DHX34: variants seen among roughly 807,000 people sequenced by gnomAD.
The protein encoded by DHX34 is DExH-box helicase 34.
In DHX34, 96 loss-of-function variants were observed where a neutral mutation model predicts 111.1. That is an observed-to-expected ratio of 0.86 (90% CI 0.73 to 1.02). DHX34 has a LOEUF of 1.02. Ranked by LOEUF, DHX34 falls within the 50% of genes least tolerant of loss-of-function variation. DHX34 has a pLI of 0.00. For synonymous variants in DHX34, 688 were observed against 670.4 expected (o/e 1.03, Z -0.41); for missense variants, 1,560 against 1,579.9 (o/e 0.99, Z 0.21).
Position 47,376,492 on chromosome 19 carries a change from T to C in DHX34, c.2531T>C (p.Val844Ala). The C allele has an allele frequency of 1.2e-6, 2 of 1,608,338 alleles. No homozygotes were observed. Among genetic ancestry groups the C allele is most frequent in the East Asian group, 2.2e-5 (1 of 44,662 alleles). ...KQGAVLHPTC[V>A]FAGSPEVLHA... ...GGCGCCGTGCTGCACCCCACCTGCGTCTTCGCTGGCAGCCCCGAGGTGCTG... is the reference window on the plus strand; with the variant it reads ...GGCGCCGTGCTGCACCCCACCTGCGCCTTCGCTGGCAGCCCCGAGGTGCTG... Residue 844 changes from valine (V) to alanine (A), a missense_variant, in exon 12 of 17, where the codon GTC becomes GCC. Val to Ala is a moderately conservative substitution (Grantham distance 64). Transcript: ENST00000328771.
intron 2 of DHX34, among the ~76,000 whole-genome samples, chr19:47,354,441 G>A (rs964263705): frequency 2.6e-5 from 4 of 152,164 alleles, no homozygotes; most frequent in African/African-American, 9.7e-5. Flanking sequence ...TTGCTATATA[G>A]TTAATATTAT....
At chr19:47,381,091 T>C (rs1970341098) in intron 15 of DHX34, 95 bp from the exon 16 acceptor site, 1 of 1,562,714 alleles carries the variant, frequency 6.4e-7, no homozygotes, top group Non-Finnish European at 8.7e-7. Context: ...GTGGGGCCCG[T>C]GGCCCTGAGG....
chr19:47,375,026 C>T (rs1447462966), intron 9 of DHX34, among the ~76,000 whole-genome samples: 1 of 152,158 alleles, frequency 6.6e-6, no homozygotes, highest in African/African-American at 2.4e-5. Context: ...ATGGCCAACC[C>T]CGCCGAGCCC....
At chr19:47,380,612 C>G in intron 14 of DHX34, 1 of 982,126 alleles carries the variant, frequency 1.0e-6, no homozygotes, top group Non-Finnish European at 1.2e-6. Flanking sequence ...CTGGGGAGGG[C>G]AATTTAGATG....
rs1970336769 is a variant in DHX34 at position 47,380,965 on chromosome 19, T to A, written c.3132T>A (p.Thr1044=). ...PHPTKGGYAV[T]DFLTYNCLTN... ...CCACAAAGGGGGGCTACGCAGTCAC[T>A]GACTTCCTCACCTACAACTGCCTCA... Residue 1044 remains threonine, a synonymous_variant, in exon 15 of 17, where the codon ACT becomes ACA. Transcript: ENST00000328771. 1.0e-5 allele frequency: 16 copies of A among 1,592,814 alleles called. No individual in the cohort carries two copies. Among genetic ancestry groups the A allele is most frequent in the Non-Finnish European group, 1.4e-5 (16 of 1,170,686 alleles).
intron 7 of DHX34, among the ~76,000 whole-genome samples, chr19:47,368,204 A>G (rs1410751144): frequency 7.3e-5 from 11 of 150,268 alleles, no homozygotes; most frequent in Non-Finnish European, 1.2e-4. Flanking sequence ...GCCTGCTGCT[A>G]CAGGAACAGT....
intron 6 of DHX34, among the ~76,000 whole-genome samples, chr19:47,362,983 C>T (rs1969681273): frequency 6.6e-6 from 1 of 152,014 alleles, no homozygotes; most frequent in Non-Finnish European, 1.5e-5. Context: ...CGGAGTCTCC[C>T]TCTGTCGCCC....
At chr19:47,377,265 T>C in intron 13 of DHX34, 59 bp downstream of exon 13, 1 of 1,546,056 alleles carries the variant, frequency 6.5e-7, no homozygotes. Flanking sequence ...TTGCCCAGGG[T>C]GGTGGGTGGG....
chr19:47,370,292 CAGAA>C (rs1324923853), intron 7 of DHX34, among the ~76,000 whole-genome samples: 1 of 152,210 alleles, frequency 6.6e-6, no homozygotes, highest in Non-Finnish European at 1.5e-5. Flanking sequence ...CCCCCAAACG[CAGAA>C]AGAAGTCTTG....
At chr19:47,377,361 T>G (rs1970202059) in intron 13 of DHX34, among the ~76,000 whole-genome samples, 155 bp downstream of exon 13, 1 of 152,202 alleles carries the variant, frequency 6.6e-6, no homozygotes, top group Non-Finnish European at 1.5e-5. Flanking sequence ...CTGCTTTTTC[T>G]CTCATTCATG....
chr19:47,373,578 G>A (rs752107023), intron 8 of DHX34, 21 bp from the exon 9 acceptor site: 2 of 1,609,286 alleles, frequency 1.2e-6, no homozygotes, highest in East Asian at 4.5e-5. Context: ...CTGACACCCT[G>A]GCGTCTGCTC....
At chr19:47,380,088 G>A in intron 14 of DHX34, 103 bp downstream of exon 14, 1 of 1,452,758 alleles carries the variant, frequency 6.9e-7, no homozygotes, top group Non-Finnish European at 9.1e-7. Context: ...CTCCACATGG[G>A]CACATTTGGG....
intron 1 of DHX34, among the ~76,000 whole-genome samples, chr19:47,351,433 A>G (rs990765980): frequency 2.6e-5 from 4 of 151,952 alleles, no homozygotes; most frequent in African/African-American, 9.7e-5. Context: ...GCAAAAAGGC[A>G]TTTTCTGGTG....
At chr19:47,366,878 C>T (rs1334676468) in intron 6 of DHX34, 103 bp from the exon 7 acceptor site, 3 of 1,403,718 alleles carry the variant, frequency 2.1e-6, no homozygotes, top group Non-Finnish European at 2.8e-6. Flanking sequence ...CCGGCCAACA[C>T]TAGGAATTTT....
rs8113564 is a variant in DHX34, at chr19:47,353,380, G to A, written c.350G>A (p.Gly117Asp). The A allele has an allele frequency of 2.0e-3, 3,281 of 1,614,174 alleles. 30 individuals are homozygous for A. In the African/African-American group the frequency reaches 0.032, roughly 16 times the overall value. ...TCTGTTCTTGGCCCTGCCACGCGGG[G>A]CTCTCAGGGACTGGGCAGGCACTTG... ...NLSVLGPATR[G>D]SQGLGRHLPA... Residue 117 changes from glycine (G) to aspartate (D), a missense_variant, in exon 2 of 17, where the codon GGC becomes GAC. By Grantham distance (94) the Gly-to-Asp change is moderately conservative. Coordinates refer to ENST00000328771, the MANE Select transcript of DHX34 (RefSeq NM_014681.6). This position sits in a 1 kb window ranked among gnomAD's most constrained non-coding sequence, Gnocchi z 4.6.
In DHX34 at chr19:47,373,031, C is replaced by T. The variant is rs116615065; in HGVS notation, c.1962+108C>T. On this transcript the variant is annotated intron_variant, in intron 8 of 16. Coordinates refer to ENST00000328771, the MANE Select transcript of DHX34 (RefSeq NM_014681.6). ...CACCCTCAGCCCCACCCTGGGAGGACCACTGAGCCCCCCACAGACTGGGCC... is the reference window on the plus strand; with the variant it reads ...CACCCTCAGCCCCACCCTGGGAGGATCACTGAGCCCCCCACAGACTGGGCC... 8.1e-4 allele frequency: 1,106 copies of T among 1,357,550 alleles called. 7 individuals carry two copies. The African/African-American group carries it at 0.015, about 18-fold the overall frequency. The allele number at this position is 1,357,550 out of a possible 1,614,324, so 84.1% of individuals were successfully genotyped here.
Position 47,367,122 on chromosome 19 carries a change from C to T in DHX34, c.1735C>T (p.Leu579=), listed in dbSNP as rs1252513353. Residue 579 remains leucine (L), a synonymous_variant, in exon 7 of 17, where the codon CTG becomes TTG. Transcript: ENST00000328771. ...SSEALTPIGS[L]LAQLPVDVVI... is the part of the protein sequence containing the mutation. ...AGAGGCCCTCACACCCATTGGGTCC[C>T]TGCTAGCCCAGCTGCCTGTGGACGT... is the stretch of plus-strand genomic sequence containing the variant. 3 of 1,576,732 alleles carry T rather than the reference C, an allele frequency of 1.9e-6. No individual in the cohort carries two copies. Among genetic ancestry groups the T allele is most frequent in the Non-Finnish European group, 2.6e-6 (3 of 1,161,348 alleles).
Position 47,380,941 on chromosome 19 carries a change from C to G in DHX34, c.3108C>G (p.Pro1036=), listed in dbSNP as rs755393982. ...LFGSSTLSPH[P]TKGGYAVTDF... is the part of the protein sequence containing the mutation. Reference sequence around the variant, plus strand: ...GCAGCTCCACCCTGTCCCCCCACCCCACAAAGGGGGGCTACGCAGTCACTG... The same window carrying G: ...GCAGCTCCACCCTGTCCCCCCACCCGACAAAGGGGGGCTACGCAGTCACTG... Residue 1036 remains proline (P), a synonymous_variant, in exon 15 of 17, where the codon CCC becomes CCG. Coordinates refer to ENST00000328771, the MANE Select transcript of DHX34 (RefSeq NM_014681.6). The G allele has an allele frequency of 1.9e-6, 3 of 1,606,910 alleles. No individual in the cohort carries two copies. The highest frequency in any genetic ancestry group is 1.7e-6 in the Non-Finnish European group (2 of 1,176,696).
chr19:47,372,728 A>G lies in DHX34; in HGVS notation c.1769-2A>G. On this transcript the variant is annotated splice_acceptor_variant, in intron 7 of 16. Transcript: ENST00000328771. LOFTEE classifies it high-confidence loss of function. ...GCCTCAACCCCGTGTCCGCCGCTGC[A>G]GGGAAGATGCTGATCCTGGGCTCCA... is the stretch of plus-strand genomic sequence containing the variant. The G allele has an allele frequency of 6.3e-7, 1 of 1,593,506 alleles. No individual in the cohort carries two copies. The highest frequency in any genetic ancestry group is 1.1e-5 in the South Asian group (1 of 89,400).
Sources: gnomAD v4.1 joint callset for allele counts (sites outside exome capture counted in the v4.1 genomes callset) on GRCh38, gnomAD v4.1.1 for gene constraint, Gnocchi (gnomAD v3.1) non-coding constraint, MANE v1.5 for transcripts, NCBI Gene and HGNC (gene_info 2026-07-23, HGNC 2026-07-21) for gene names.